WWOX: variants seen among roughly 807,000 people sequenced by gnomAD.
The protein encoded by WWOX is WW domain-containing oxidoreductase.
WWOX carries 69 observed loss-of-function variants against 46.2 expected under a neutral mutation model. That is an observed-to-expected ratio of 1.49 (90% confidence interval 1.23 to 1.82). WWOX has a LOEUF of 1.82. WWOX is among the 40% of genes most tolerant of loss of function. WWOX has a pLI of 0.00. For synonymous variants in WWOX, 359 were observed against 202.6 expected, an observed-to-expected ratio of 1.77 and a Z score of -6.56; for missense variants, 919 against 542.6, an observed-to-expected ratio of 1.69 and a Z score of -6.89.
At chr16:78,155,478 C>T (rs1000613993) in intron 4 of WWOX, among the ~76,000 whole-genome samples, 1 of 152,188 alleles carries the variant, frequency 6.6e-6, no homozygotes, top group Non-Finnish European at 1.5e-5. Flanking sequence ...AAGCTTAAAA[C>T]CCAAGACAGT....
chr16:78,099,749 T>TA lies in WWOX; in HGVS notation c.-29dup, dbSNP rs768358840. The TA allele has an allele frequency of 7.0e-5, 107 of 1,521,670 alleles. No individual in the cohort carries two copies. The highest frequency in any genetic ancestry group is 5.2e-4 in the South Asian group (42 of 80,726). The allele number at this position is 1,521,670 out of a possible 1,614,324, so 94.3% of individuals were successfully genotyped here. On this transcript the variant is annotated 5_prime_UTR_variant, in exon 1 of 9. Transcript: ENST00000566780. ...AGCGAGTGGACCCGGCAGCGGGCGA[T>TA]AGGGGGGCCAGGTGCCTCCACAGTC...
intron 8 of WWOX, among the ~76,000 whole-genome samples, chr16:78,858,350 G>GTA (rs2052618154): frequency 1.3e-5 from 2 of 149,530 alleles, no homozygotes; most frequent in South Asian, 2.1e-4. Context: ...GTGTGTGTAT[G>GTA]TATATATATG....
At chr16:78,822,909 T>G (rs1057333046) in intron 8 of WWOX, among the ~76,000 whole-genome samples, 3 of 151,234 alleles carry the variant, frequency 2.0e-5, no homozygotes, top group Non-Finnish European at 2.9e-5. Context: ...TAAAGGGGCT[T>G]GATAAAGCCA....
At chr16:79,170,312 C>A (rs746785941) in intron 8 of WWOX, among the ~76,000 whole-genome samples, 1 of 152,152 alleles carries the variant, frequency 6.6e-6, no homozygotes, top group Non-Finnish European at 1.5e-5. Context: ...ATCAGAGAAG[C>A]TACGTGATCT....
chr16:78,777,492 G>T (rs991474818), intron 8 of WWOX, among the ~76,000 whole-genome samples: 1 of 152,108 alleles, frequency 6.6e-6, no homozygotes, highest in Non-Finnish European at 1.5e-5. Context: ...AAATACAGAC[G>T]TAGAAAGACA....
chr16:78,628,246 C>G (rs995437451), intron 8 of WWOX, among the ~76,000 whole-genome samples: 1 of 152,176 alleles, frequency 6.6e-6, no homozygotes, highest in African/African-American at 2.4e-5. Flanking sequence ...GGAGTAAGGC[C>G]TCTCCCTCAT....
Position 79,212,293 on chromosome 16 carries a change from A to G in WWOX, c.*497A>G, listed in dbSNP as rs1126520. ...ATCCTGACCAAGACTGAGCCAGCTT[A>G]GCAACTGCTGGGGAGACAAATCTCA... On this transcript the variant is annotated 3_prime_UTR_variant, in exon 9 of 9. Transcript: ENST00000566780. 7,252 of 1,052,788 alleles carry G rather than the reference A, an allele frequency of 6.9e-3. 111 individuals carry two copies. The highest frequency in any genetic ancestry group is 0.051 in the East Asian group (1,936 of 38,068). 65.2% of individuals were successfully genotyped at this position (1,052,788 alleles called of 1,614,324 possible).
chr16:78,962,329 A>ATCTTT (rs1293648783), intron 8 of WWOX, among the ~76,000 whole-genome samples: 5 of 59,840 alleles, frequency 8.4e-5, no homozygotes. Context: ...TTTTTTTTAA[A>ATCTTT]AAAAAAAAAA....
At chr16:78,531,742 C>T (rs186204164) in intron 8 of WWOX, among the ~76,000 whole-genome samples, 1 of 152,144 alleles carries the variant, frequency 6.6e-6, no homozygotes, top group East Asian at 1.9e-4. Context: ...TCTGTAATCC[C>T]AGCTACTTGG....
intron 8 of WWOX, among the ~76,000 whole-genome samples, chr16:79,084,255 A>C (rs1180519578): frequency 2.0e-5 from 3 of 152,226 alleles, no homozygotes. Context: ...GAGGAAGGAC[A>C]CTGACTGTGC....
chr16:78,309,732 A>G (rs2080204416), intron 5 of WWOX, among the ~76,000 whole-genome samples: 2 of 152,200 alleles, frequency 1.3e-5, no homozygotes, highest in Admixed American at 1.3e-4. Context: ...ACTACCCAGA[A>G]TTAAACTGGA....
intron 5 of WWOX, among the ~76,000 whole-genome samples, chr16:78,371,026 TGCTG>T (rs2081670707): frequency 6.6e-6 from 1 of 151,294 alleles, no homozygotes; most frequent in African/African-American, 2.4e-5. Context: ...TATTATCTCT[TGCTG>T]TTATCCTCAC....
intron 8 of WWOX, among the ~76,000 whole-genome samples, chr16:78,488,910 GTTC>G (rs72008808): frequency 0.051 from 7,709 of 152,126 alleles, 473 homozygotes; most frequent in African/African-American, 0.15. Flanking sequence ...CTATTATTTT[GTTC>G]TTTCTGCCAT....
intron 8 of WWOX, among the ~76,000 whole-genome samples, chr16:78,879,092 C>G (rs2044290376): frequency 6.6e-6 from 1 of 151,920 alleles, no homozygotes. Context: ...GAGGAATTTA[C>G]TAGAAACAAA....
intron 8 of WWOX, chr16:78,495,835 C>G (rs7206227): frequency 0.74 from 112,756 of 151,996 alleles, 44,222 homozygotes; most frequent in Admixed American, 0.86. Context: ...TTACTTTGAA[C>G]CAATCTGTGC....
chr16:78,124,854 C>G (rs147176778), intron 4 of WWOX, among the ~76,000 whole-genome samples: 21 of 152,226 alleles, frequency 1.4e-4, no homozygotes, highest in African/African-American at 5.1e-4. Context: ...GGTTTCTTCA[C>G]TAGACTCTAA....
intron 5 of WWOX, among the ~76,000 whole-genome samples, chr16:78,194,554 C>A (rs1405783918): frequency 6.8e-6 from 1 of 147,378 alleles, no homozygotes; most frequent in African/African-American, 2.5e-5. Flanking sequence ...TGCTACTGCA[C>A]TCCAGGCTGG....
At chr16:78,481,202 C>T (rs1238708919) in intron 8 of WWOX, among the ~76,000 whole-genome samples, 1 of 152,160 alleles carries the variant, frequency 6.6e-6, no homozygotes, top group Non-Finnish European at 1.5e-5. Context: ...AAGTAGACAT[C>T]TTTTGAGGCG....
At chr16:78,144,469 A>ATATATATATATATATATATG (rs2034112802) in intron 4 of WWOX, among the ~76,000 whole-genome samples, 4 of 14,098 alleles carry the variant, frequency 2.8e-4, no homozygotes, top group South Asian at 2.0e-3. Context: ...ATATACACAC[A>ATATATATATATATATATATG]TATATATATA....
Sources: allele counts gnomAD v4.1 joint callset (sites outside exome capture counted in the v4.1 genomes callset), GRCh38; gene constraint gnomAD v4.1.1; transcripts MANE v1.5; gene names NCBI Gene and HGNC (gene_info 2026-07-23, HGNC 2026-07-21).